The following GRIP1 variants were observed in gnomAD, a reference collection of about 807,000 sequenced individuals.
The protein encoded by GRIP1 is glutamate receptor interacting protein 1.
Under a neutral mutation model 129.9 loss-of-function variants are expected in GRIP1, and 45 were observed. The observed-to-expected ratio is 0.35, with a 90% CI of 0.27 to 0.44. GRIP1 has a LOEUF of 0.44. GRIP1 is among the 20% of genes least tolerant of loss of function. The pLI is 1.00. For synonymous variants in GRIP1, 530 were observed against 520.8 expected (o/e 1.02, Z -0.24); for missense variants, 1,196 against 1,396.8 (o/e 0.86, Z 2.29).
chr12:66,381,376 G>A (rs1428424079), intron 19 of GRIP1, among the ~76,000 whole-genome samples: 6 of 152,234 alleles, frequency 3.9e-5, no homozygotes, highest in Non-Finnish European at 8.8e-5. Flanking sequence ...GGGGAACTAA[G>A]TAGCTGTGAA....
rs1187284079 is a variant in GRIP1, at chr12:66,432,633, T to C, written c.1688-5A>G. ...CACTACTTGGGATGACAGACTCTAA[T>C]ATCAAAACAAAAAAGAATGTGTTAA... On this transcript the variant is annotated splice_region_variant and splice_polypyrimidine_tract_variant and intron_variant, in intron 13 of 24. Transcript: ENST00000359742. The C allele has an allele frequency of 1.3e-6, 2 of 1,556,294 alleles. No individual in the cohort carries two copies. The highest frequency in any genetic ancestry group is 1.8e-6 in the Non-Finnish European group (2 of 1,128,788).
At chr12:66,955,190 T>C (rs2041820200) in intron 1 of GRIP1, among the ~76,000 whole-genome samples, 1 of 152,158 alleles carries the variant, frequency 6.6e-6, no homozygotes, top group Admixed American at 6.5e-5. Flanking sequence ...ACTGGAGCAG[T>C]GGAATCACCT....
intron 1 of GRIP1, among the ~76,000 whole-genome samples, chr12:66,998,143 A>G (rs1465262962): frequency 6.6e-6 from 1 of 152,196 alleles, no homozygotes; most frequent in Non-Finnish European, 1.5e-5. Context: ...TGAAAATAAA[A>G]TAAAATAAAA....
intron 2 of GRIP1, among the ~76,000 whole-genome samples, chr12:66,548,052 A>T (rs1170573230): frequency 6.6e-6 from 1 of 152,212 alleles, no homozygotes; most frequent in African/African-American, 2.4e-5. Context: ...GAGTACGCCT[A>T]GGCATCAGTA....
chr12:66,576,272 T>C lies in GRIP1; in HGVS notation c.136+20575A>G, dbSNP rs544324673. On this transcript the variant is annotated intron_variant, in intron 2 of 24. Transcript: ENST00000359742. ...GTAGAGAGGATGGACTACCATGAACTGAGTGAAAATGATACCCAAAGCCTG... is the reference window on the plus strand; with the variant it reads ...GTAGAGAGGATGGACTACCATGAACCGAGTGAAAATGATACCCAAAGCCTG... 3.9e-5 allele frequency among the ~76,000 whole-genome samples: 6 copies of C among 152,322 alleles called. No individual in the cohort carries two copies. The South Asian group carries it at 1.2e-3, about 32-fold the overall frequency.
intron 1 of GRIP1, among the ~76,000 whole-genome samples, chr12:67,001,903 C>T (rs1000640680): frequency 6.6e-6 from 1 of 152,132 alleles, no homozygotes; most frequent in Non-Finnish European, 1.5e-5. Flanking sequence ...CCTGACAGGT[C>T]CCAACCTTCC....
At chr12:66,867,321 T>G (rs1209741825) in intron 1 of GRIP1, among the ~76,000 whole-genome samples, 2 of 152,144 alleles carry the variant, frequency 1.3e-5, no homozygotes, top group African/African-American at 2.4e-5. Context: ...GACCAAAATT[T>G]GATGTTCCTG....
chr12:66,559,605 A>G (rs1266615931), intron 2 of GRIP1, among the ~76,000 whole-genome samples: 3 of 152,146 alleles, frequency 2.0e-5, no homozygotes, highest in Non-Finnish European at 2.9e-5. Context: ...TTAAATAGCT[A>G]GGAATTAAAA....
At chr12:67,039,256 C>T (rs189495354) in intron 1 of GRIP1, among the ~76,000 whole-genome samples, 1 of 152,210 alleles carries the variant, frequency 6.6e-6, no homozygotes, top group Admixed American at 6.5e-5. Flanking sequence ...ACTTAAATAC[C>T]TTGCTTATCC....
chr12:67,069,158 C>T, exon 1 of GRIP1: 1 of 970,608 alleles, frequency 1.0e-6, no homozygotes, highest in Non-Finnish European at 1.2e-6. Context: ...CGCTGGCTCT[C>T]TTTCTCCGGG....
chr12:66,578,232 GTT>G (rs547352236), intron 2 of GRIP1, among the ~76,000 whole-genome samples: 6 of 102,510 alleles, frequency 5.9e-5, no homozygotes, highest in South Asian at 3.6e-4. Context: ...CAAAACCGCG[GTT>G]TTTTTTTTTT....
intron 1 of GRIP1, among the ~76,000 whole-genome samples, chr12:66,957,389 T>C (rs962705450): frequency 6.6e-6 from 1 of 150,814 alleles, no homozygotes; most frequent in African/African-American, 2.4e-5. Context: ...GAGGCCATAC[T>C]TTATTCAGAT....
Position 66,979,293 on chromosome 12 carries a change from A to G in GRIP1, c.58+89757T>C, listed in dbSNP as rs2042209139. Among the ~76,000 whole-genome samples, 2 of 149,018 alleles carry G rather than the reference A, an allele frequency of 1.3e-5. 1 individual carries two copies. The highest frequency in any genetic ancestry group is 4.4e-4 in the South Asian group (2 of 4,548). Reference sequence around the variant, plus strand: ...CTGCAAGTACCATTACCACTAGATAATTCTGAAATTACTTTTCCTCTTATA... The same window carrying G: ...CTGCAAGTACCATTACCACTAGATAGTTCTGAAATTACTTTTCCTCTTATA... On this transcript the variant is annotated intron_variant, in intron 1 of 1. Coordinates refer to the GRIP1 transcript ENST00000643019.
chr12:66,784,121 AT>A (rs35567688), intron 1 of GRIP1, among the ~76,000 whole-genome samples: 5,818 of 151,686 alleles, frequency 0.038, 216 homozygotes, highest in South Asian at 0.12. Flanking sequence ...ATTTCCTCTA[AT>A]TTTTTTTTAA....
intron 1 of GRIP1, among the ~76,000 whole-genome samples, chr12:66,854,054 CAGG>C (rs369398847): frequency 6.6e-6 from 1 of 152,012 alleles, no homozygotes; most frequent in East Asian, 1.9e-4. Flanking sequence ...AATTTATGAG[CAGG>C]AGATTTATTG....
chr12:66,557,546 G>A (rs1023198819), intron 2 of GRIP1, among the ~76,000 whole-genome samples: 3 of 152,084 alleles, frequency 2.0e-5, no homozygotes, highest in Admixed American at 6.6e-5. Context: ...GATCATCCTC[G>A]AGAATAGATC....
intron 13 of GRIP1, among the ~76,000 whole-genome samples, chr12:66,436,901 G>T (rs993788908): frequency 1.3e-5 from 2 of 150,256 alleles, no homozygotes; most frequent in African/African-American, 4.9e-5. Flanking sequence ...CACAAGAATT[G>T]GTTGAACCCA....
In GRIP1 at chr12:66,599,160, C is replaced by A. The variant is rs555181695; in HGVS notation, c.56-2233G>T. ...CCATCACCACCCCCAACCTCCACTCCTGCTCCCAGTATCAAGAGTGAACTT... is the reference window on the plus strand; with the variant it reads ...CCATCACCACCCCCAACCTCCACTCATGCTCCCAGTATCAAGAGTGAACTT... On this transcript the variant is annotated intron_variant, in intron 1 of 24. Transcript: ENST00000359742. Among the ~76,000 whole-genome samples, 40 of 152,334 alleles carry A rather than the reference C, an allele frequency of 2.6e-4. No homozygotes were observed. The South Asian group carries it at 4.3e-3, about 17-fold the overall frequency.
intron 1 of GRIP1, 119 bp from the exon 2 acceptor site, chr12:66,597,046 C>T (rs2139761915): frequency 1.4e-5 from 11 of 778,796 alleles, no homozygotes; most frequent in East Asian, 2.5e-5. Context: ...TGGAAAGTGT[C>T]GGTAGGCCTG....
Sources: allele counts gnomAD v4.1 joint callset (sites outside exome capture counted in the v4.1 genomes callset), GRCh38; gene constraint gnomAD v4.1.1; transcripts MANE v1.5; gene names NCBI Gene and HGNC (gene_info 2026-07-23, HGNC 2026-07-21).